The following CNTN4 variants were observed in gnomAD, a reference collection of about 807,000 sequenced individuals.
CNTN4 encodes contactin-4.
CNTN4 carries 77 observed loss-of-function variants against 122.5 expected under a neutral mutation model. The ratio of observed to expected loss-of-function variants is 0.63; its 90% CI spans 0.52 to 0.76. The LOEUF is 0.76. Ranked by LOEUF, CNTN4 falls within the 30% of genes least tolerant of loss-of-function variation. The pLI is 0.00. For synonymous variants in CNTN4, 512 were observed against 447.0 expected (o/e 1.15, Z -1.83); for missense variants, 1,256 against 1,259.1 (o/e 1.00, Z 0.04).
chr3:2,658,473 A>G (rs1576365661), intron 4 of CNTN4, among the ~76,000 whole-genome samples: 1 of 152,192 alleles, frequency 6.6e-6, no homozygotes, highest in East Asian at 1.9e-4. Flanking sequence ...CATTTGTCAA[A>G]GACGGAAAAG....
chr3:3,023,532 G>A (rs1381398693), intron 14 of CNTN4, among the ~76,000 whole-genome samples: 1 of 152,138 alleles, frequency 6.6e-6, no homozygotes, highest in Non-Finnish European at 1.5e-5. Context: ...ATGGCTCTAG[G>A]CTTTGGGGTA....
chr3:2,225,717 G>A (rs752114207), intron 2 of CNTN4, among the ~76,000 whole-genome samples: 1 of 152,058 alleles, frequency 6.6e-6, no homozygotes, highest in Non-Finnish European at 1.5e-5. Context: ...TACTGTTCAC[G>A]TCTGCCTTGA....
At chr3:2,175,444 A>T (rs2036708505) in intron 2 of CNTN4, among the ~76,000 whole-genome samples, 1 of 152,246 alleles carries the variant, frequency 6.6e-6, no homozygotes, top group East Asian at 1.9e-4. Context: ...CATTGTTATG[A>T]CATGCATTTC....
chr3:2,161,779 T>A (rs2035977269), intron 2 of CNTN4, among the ~76,000 whole-genome samples: 1 of 152,192 alleles, frequency 6.6e-6, no homozygotes, highest in Non-Finnish European at 1.5e-5. Context: ...ATAGTTAAGT[T>A]ACGAATTGTG....
chr3:2,829,581 C>T lies in CNTN4; in HGVS notation c.454+10000C>T, dbSNP rs889085047. On this transcript the variant is annotated intron_variant, in intron 7 of 24. Coordinates refer to ENST00000418658, the MANE Select transcript of CNTN4 (RefSeq NM_175607.3). The stretch of plus-strand genomic sequence containing the variant: ...GGTGGATATTTCTGATTTCAGTTAT[C>T]TCTGAAATTGGTGAAGTATATTCTG... Among the ~76,000 whole-genome samples the T allele has an allele frequency of 2.0e-5, 3 of 152,322 alleles. No individual in the cohort carries two copies. In the South Asian group the frequency reaches 6.2e-4, roughly 32 times the overall value.
intron 4 of CNTN4, among the ~76,000 whole-genome samples, chr3:2,588,609 C>G (rs1483568884): frequency 2.0e-5 from 3 of 152,018 alleles, no homozygotes; most frequent in Non-Finnish European, 4.4e-5. Context: ...TCGTGATCCA[C>G]TCGCCTCGGC....
rs575734735 is a variant in CNTN4, at chr3:2,298,039, A to T, written c.-144-41139A>T. The stretch of plus-strand genomic sequence containing the variant: ...GAGCCAGCGTGCCTGGTCATCTGTT[A>T]TGTTAAGTGAAGAATACTTAGCAGC... On this transcript the variant is annotated intron_variant, in intron 2 of 24. Coordinates refer to ENST00000418658, the MANE Select transcript of CNTN4 (RefSeq NM_175607.3). 5.3e-5 allele frequency among the ~76,000 whole-genome samples: 8 copies of T among 152,218 alleles called. No individual in the cohort carries two copies. In the East Asian group the frequency reaches 1.5e-3, roughly 29 times the overall value.
At position 2,785,960 on chromosome 3, in the gene CNTN4, C is replaced by T. The variant is rs570621742; in HGVS notation, c.359-33526C>T. 1.7e-4 allele frequency among the ~76,000 whole-genome samples: 24 copies of T among 143,844 alleles called. No individual in the cohort carries two copies. In the South Asian group the frequency reaches 4.2e-3, roughly 25 times the overall value. 94.4% of individuals were successfully genotyped at this position (143,844 alleles called of 152,430 possible). A position where few individuals can be genotyped will look rare whatever the true frequency, so the allele number is the denominator to read the frequency against. On this transcript the variant is annotated intron_variant, in intron 6 of 24. Transcript: ENST00000418658. ...AGACCCCACTGGCAGAGCAGAGAGGCGTGGCAGAGGAGAGAAGAGGTGTCC... is the reference window on the plus strand; with the variant it reads ...AGACCCCACTGGCAGAGCAGAGAGGTGTGGCAGAGGAGAGAAGAGGTGTCC...
chr3:3,027,953 A>C (rs1698867491), intron 15 of CNTN4, among the ~76,000 whole-genome samples: 1 of 152,192 alleles, frequency 6.6e-6, no homozygotes, highest in South Asian at 2.1e-4. Flanking sequence ...ACTAGTGCTA[A>C]CACCAATCAA....
intron 6 of CNTN4, among the ~76,000 whole-genome samples, chr3:2,770,370 A>G (rs1197683942): frequency 6.6e-6 from 1 of 152,214 alleles, no homozygotes; most frequent in African/African-American, 2.4e-5. Context: ...AAAATGTTAG[A>G]GATTTAAAAC....
At chr3:2,981,369 A>C (rs364379) in intron 13 of CNTN4, among the ~76,000 whole-genome samples, 13 of 150,650 alleles carry the variant, frequency 8.6e-5, no homozygotes, top group Admixed American at 5.3e-4. Flanking sequence ...GCGTGAACCC[A>C]GGAGTTGGAG....
At chr3:2,720,654 C>G (rs952898612) in intron 4 of CNTN4, among the ~76,000 whole-genome samples, 2 of 152,176 alleles carry the variant, frequency 1.3e-5, no homozygotes, top group African/African-American at 4.8e-5. Context: ...AAACACTAAA[C>G]AGAAACAAGG....
chr3:3,022,248 A>G (rs1321675399), intron 14 of CNTN4, among the ~76,000 whole-genome samples: 5 of 152,060 alleles, frequency 3.3e-5, no homozygotes, highest in African/African-American at 1.2e-4. Context: ...CATCTCAAAA[A>G]TAAAATAAAA....
At chr3:2,295,853 A>T (rs1228000209) in intron 2 of CNTN4, among the ~76,000 whole-genome samples, 3 of 152,034 alleles carry the variant, frequency 2.0e-5, no homozygotes, top group East Asian at 1.9e-4. Context: ...TTAATTTTTG[A>T]ATAAGGTGTA....
intron 4 of CNTN4, 74 bp downstream of exon 4, chr3:2,571,632 A>G (rs1209701702): frequency 9.4e-7 from 1 of 1,066,238 alleles, no homozygotes; most frequent in Non-Finnish European, 1.5e-6. Context: ...GTGGGCCTTC[A>G]CTTTAGACGG....
chr3:2,836,228 T>C (rs981559030), intron 7 of CNTN4, among the ~76,000 whole-genome samples: 2 of 152,176 alleles, frequency 1.3e-5, no homozygotes, highest in Admixed American at 1.3e-4. Flanking sequence ...AGATTTACTC[T>C]CTCCAAGTTC....
rs74719529 is a variant in CNTN4, at chr3:2,541,550, T to C, written c.-88-29866T>C. 9.2e-5 allele frequency among the ~76,000 whole-genome samples: 14 copies of C among 152,254 alleles called. No individual in the cohort carries two copies. In the East Asian group the frequency reaches 2.7e-3, roughly 29 times the overall value. ...CAATAGAAGGTAAGCTTTGGAATTT[T>C]AAGAGTATTCACTGTTCATGACACT... On this transcript the variant is annotated intron_variant, in intron 3 of 24. Transcript: ENST00000418658.
chr3:2,560,291 C>G (rs1308589344), intron 3 of CNTN4, among the ~76,000 whole-genome samples: 2 of 151,936 alleles, frequency 1.3e-5, no homozygotes, highest in Non-Finnish European at 2.9e-5. Flanking sequence ...CAGGAGTGCA[C>G]CATCACACCC....
intron 18 of CNTN4, among the ~76,000 whole-genome samples, chr3:3,038,137 C>T (rs1308016529): frequency 1.3e-5 from 2 of 152,196 alleles, no homozygotes; most frequent in African/African-American, 4.8e-5. Context: ...CAGTCACCAG[C>T]CACATACCCC....
Sources: allele counts gnomAD v4.1 joint callset (sites outside exome capture counted in the v4.1 genomes callset), GRCh38; gene constraint gnomAD v4.1.1; transcripts MANE v1.5; gene names NCBI Gene and HGNC (gene_info 2026-07-23, HGNC 2026-07-21).